Variants in CCDC91 observed in about 807,000 individuals in gnomAD.
CCDC91 encodes the protein coiled-coil domain-containing protein 91.
In CCDC91, 48 loss-of-function variants were observed where a neutral mutation model predicts 63.2. The observed-to-expected ratio is 0.76, with a 90% CI of 0.60 to 0.97. The LOEUF (loss-of-function observed/expected upper bound fraction) is 0.97. Among genes scored for constraint, CCDC91 ranks in the 50% least tolerant of loss-of-function variants. The pLI is 0.00. For missense variants in CCDC91, 500 were observed against 494.6 expected, an observed-to-expected ratio of 1.01 and a Z score of -0.10; for synonymous variants, 167 against 165.8, an observed-to-expected ratio of 1.01 and a Z score of -0.06.
At position 28,510,236 on chromosome 12, in the gene CCDC91, C is replaced by CGTGTGTGTGTGTGT. The variant is rs567113847; in HGVS notation, c.1215+26071_1215+26072insGTGTGTGTGTGTGT. On this transcript the variant is annotated intron_variant, in intron 12 of 12. Coordinates refer to ENST00000536442, the MANE Select transcript of CCDC91 (RefSeq NM_018318.5). The stretch of plus-strand genomic sequence containing the variant: ...CTCCAGAGAGACAGAGTCAATAGGG[C>CGTGTGTGTGTGTGT]ATGTGTGTGTGTGTGTGTGTGTAGA... Among the ~76,000 whole-genome samples, 9 of 136,016 alleles carry CGTGTGTGTGTGTGT rather than the reference C, an allele frequency of 6.6e-5. 1 individual carries two copies. Among genetic ancestry groups the CGTGTGTGTGTGTGT allele is most frequent in the Non-Finnish European group, 9.1e-5 (6 of 66,192 alleles). 89.2% of individuals were successfully genotyped at this position (136,016 alleles called of 152,430 possible).
At chr12:28,517,033 A>G (rs1270129546) in intron 12 of CCDC91, among the ~76,000 whole-genome samples, 1 of 151,898 alleles carries the variant, frequency 6.6e-6, no homozygotes, top group Non-Finnish European at 1.5e-5. Flanking sequence ...TCAATACCCT[A>G]TACATTCAGT....
At chr12:28,532,813 G>T (rs1941852301) in intron 12 of CCDC91, among the ~76,000 whole-genome samples, 1 of 152,046 alleles carries the variant, frequency 6.6e-6, no homozygotes, top group Non-Finnish European at 1.5e-5. Flanking sequence ...TTTGAGAACG[G>T]TATCAAGGAT....
chr12:28,329,807 G>A (rs181321620), intron 6 of CCDC91, among the ~76,000 whole-genome samples: 165 of 151,986 alleles, frequency 1.1e-3, no homozygotes, highest in South Asian at 1.5e-3. Context: ...GATGTTCCCC[G>A]CCCTGTGTCC....
intron 11 of CCDC91, among the ~76,000 whole-genome samples, chr12:28,454,778 A>T (rs991487483): frequency 6.6e-6 from 1 of 151,900 alleles, no homozygotes; most frequent in African/African-American, 2.4e-5. Flanking sequence ...GTTTCCTTTG[A>T]TCATATGGCA....
intron 8 of CCDC91, among the ~76,000 whole-genome samples, chr12:28,428,295 G>A (rs1413433466): frequency 2.0e-5 from 3 of 151,768 alleles, no homozygotes; most frequent in South Asian, 2.1e-4. Flanking sequence ...TTTTGGCCAC[G>A]CGTAGTGGCT....
chr12:28,292,865 A>G lies in CCDC91; in HGVS notation c.110-12784A>G, dbSNP rs189448057. On this transcript the variant is annotated intron_variant, in intron 3 of 12. Coordinates refer to ENST00000536442, the MANE Select transcript of CCDC91 (RefSeq NM_018318.5). ...AAGTGCCCTCAAAACTCTAAAGTGA[A>G]TAATTCTGTTTATGTACAATAATAC... 3.9e-5 allele frequency among the ~76,000 whole-genome samples: 6 copies of G among 152,282 alleles called. No homozygotes were observed. The East Asian group carries it at 1.2e-3, about 29-fold the overall frequency.
chr12:28,276,557 A>G (rs1948239738), intron 3 of CCDC91, among the ~76,000 whole-genome samples: 1 of 151,932 alleles, frequency 6.6e-6, no homozygotes, highest in Non-Finnish European at 1.5e-5. Flanking sequence ...TCATAAATTG[A>G]TAAAGATCTT....
At chr12:28,477,106 G>C (rs1406965090) in intron 11 of CCDC91, among the ~76,000 whole-genome samples, 3 of 151,946 alleles carry the variant, frequency 2.0e-5, no homozygotes, top group Admixed American at 6.6e-5. Flanking sequence ...AGGGAATCCT[G>C]CCTAACTCAT....
chr12:28,213,255 C>G (rs1293750579), intron 1 of CCDC91, among the ~76,000 whole-genome samples: 1 of 152,192 alleles, frequency 6.6e-6, no homozygotes, highest in African/African-American at 2.4e-5. Flanking sequence ...CTCAAGACCT[C>G]TCCCCACCGA....
chr12:28,533,855 A>G (rs1167878668), intron 12 of CCDC91, among the ~76,000 whole-genome samples: 1 of 151,984 alleles, frequency 6.6e-6, no homozygotes, highest in Non-Finnish European at 1.5e-5. Flanking sequence ...CACTAACTTT[A>G]CTATTTGATT....
In CCDC91 at chr12:28,498,793, T is replaced by C. The variant is rs534108662; in HGVS notation, c.1215+14628T>C. The stretch of plus-strand genomic sequence containing the variant: ...AACAAATACCATCAAATACCTAATA[T>C]ATGCTAGGTAGCACTCTTAAGTGCT... On this transcript the variant is annotated intron_variant, in intron 12 of 12. Coordinates refer to ENST00000536442, the MANE Select transcript of CCDC91 (RefSeq NM_018318.5). 2.6e-5 allele frequency among the ~76,000 whole-genome samples: 4 copies of C among 151,666 alleles called. No homozygotes were observed. The South Asian group carries it at 6.2e-4, about 24-fold the overall frequency.
At chr12:28,304,118 C>T (rs1938380405) in intron 3 of CCDC91, among the ~76,000 whole-genome samples, 2 of 151,766 alleles carry the variant, frequency 1.3e-5, no homozygotes, top group Non-Finnish European at 2.9e-5. Flanking sequence ...GTCGCTCACA[C>T]CTGTAATCCT....
At chr12:28,321,634 T>C (rs895705063) in intron 6 of CCDC91, among the ~76,000 whole-genome samples, 4 of 151,856 alleles carry the variant, frequency 2.6e-5, no homozygotes, top group Non-Finnish European at 4.4e-5. Flanking sequence ...TTGTTGTCTA[T>C]GTCTCTGCCA....
chr12:28,429,302 T>G (rs1948503815), intron 8 of CCDC91, among the ~76,000 whole-genome samples: 1 of 152,210 alleles, frequency 6.6e-6, no homozygotes, highest in Non-Finnish European at 1.5e-5. Context: ...AATCCAGTAT[T>G]CTTTCTACTT....
chr12:28,423,201 C>A (rs79171107), intron 8 of CCDC91, among the ~76,000 whole-genome samples: 2,327 of 152,050 alleles, frequency 0.015, 51 homozygotes, highest in African/African-American at 0.054. Flanking sequence ...CTCTAAGTAC[C>A]CTAGACTACA....
At chr12:28,493,674 C>A (rs1952130191) in intron 12 of CCDC91, among the ~76,000 whole-genome samples, 1 of 151,736 alleles carries the variant, frequency 6.6e-6, no homozygotes, top group African/African-American at 2.4e-5. Flanking sequence ...TAAACCTAAC[C>A]TTCAAAATAC....
intron 1 of CCDC91, among the ~76,000 whole-genome samples, chr12:28,196,286 T>C (rs988446856): frequency 6.6e-6 from 1 of 152,236 alleles, no homozygotes; most frequent in African/African-American, 2.4e-5. Flanking sequence ...CAATTACTTA[T>C]GTAAGTGAAT....
intron 1 of CCDC91, among the ~76,000 whole-genome samples, chr12:28,198,502 A>G (rs1466150152): frequency 6.6e-6 from 1 of 152,226 alleles, no homozygotes; most frequent in African/African-American, 2.4e-5. Flanking sequence ...ATTGGGCATG[A>G]AAAACAAAAT....
chr12:28,519,776 G>T (rs1940397398), intron 12 of CCDC91, among the ~76,000 whole-genome samples: 1 of 135,136 alleles, frequency 7.4e-6, no homozygotes, highest in African/African-American at 2.8e-5. Flanking sequence ...GTGTCCAAGT[G>T]TTCTCATTGT....
Sources: gnomAD v4.1 joint callset for allele counts (sites outside exome capture counted in the v4.1 genomes callset) on GRCh38, gnomAD v4.1.1 for gene constraint, MANE v1.5 for transcripts, NCBI Gene and HGNC (gene_info 2026-07-23, HGNC 2026-07-21) for gene names.